Variants in ZNF385D observed in about 807,000 individuals in gnomAD.
ZNF385D encodes the protein zinc finger protein 385D.
ZNF385D carries 15 observed loss-of-function variants against 35.8 expected under a neutral mutation model. The observed-to-expected ratio is 0.42, with a 90% confidence interval of 0.28 to 0.64. The LOEUF (loss-of-function observed/expected upper bound fraction) is 0.64, where lower values mean the gene tolerates loss of function less well. ZNF385D is among the 30% of genes least tolerant of loss of function. The probability of loss-of-function intolerance (pLI) is 0.23; values close to 1 mark genes in which losing one functional copy is unlikely to be tolerated. For missense variants in ZNF385D, 474 were observed against 494.6 expected, an observed-to-expected ratio of 0.96 and a Z score of 0.39; for synonymous variants, 212 against 186.8, an observed-to-expected ratio of 1.13 and a Z score of -1.10.
chr3:22,341,672 T>A (rs771186440), intron 2 of ZNF385D, among the ~76,000 whole-genome samples: 2 of 152,070 alleles, frequency 1.3e-5, no homozygotes, highest in African/African-American at 2.4e-5. Context: ...TCAAACAGAG[T>A]TGATAGTCAT....
intron 3 of ZNF385D, among the ~76,000 whole-genome samples, chr3:21,813,391 A>G (rs995725850): frequency 4.6e-5 from 7 of 152,200 alleles, no homozygotes; most frequent in African/African-American, 1.7e-4. Flanking sequence ...GAGTGGTAAT[A>G]ACAAACTTCT....
exon 2 of ZNF385D, chr3:22,372,453 G>A: frequency 1.0e-6 from 1 of 985,906 alleles, no homozygotes; most frequent in South Asian, 4.7e-5. Context: ...AACTTACCGC[G>A]GCTGGGCTGA....
At chr3:21,575,191 TCTA>T (rs1395843276) in intron 2 of ZNF385D, among the ~76,000 whole-genome samples, 2 of 152,170 alleles carry the variant, frequency 1.3e-5, no homozygotes, top group African/African-American at 4.8e-5. Context: ...TAGCCTTTAT[TCTA>T]CTTTCTATGG....
Position 21,539,296 on chromosome 3 carries a change from T to C in ZNF385D, c.276+25278A>G, listed in dbSNP as rs2125556517. On this transcript the variant is annotated intron_variant, in intron 3 of 7. Transcript: ENST00000281523. The surrounding 1 kb of genome is among the most constrained non-coding windows in gnomAD (Gnocchi z 4.0). ...CATTTCTACATAGATCACTTTCTCA[T>C]TAATTGATGCCATTTTGCCCTGGTT... Among the ~76,000 whole-genome samples the C allele has an allele frequency of 6.6e-6, 1 of 152,244 alleles. No homozygotes were observed.
At chr3:22,175,411 G>T (rs1576447297) in intron 2 of ZNF385D, among the ~76,000 whole-genome samples, 1 of 151,820 alleles carries the variant, frequency 6.6e-6, no homozygotes, top group East Asian at 1.9e-4. Flanking sequence ...ATCATAAGTG[G>T]ATTTTAAAAG....
At chr3:21,487,295 G>GT (rs5847103) in intron 4 of ZNF385D, among the ~76,000 whole-genome samples, 74,956 of 151,380 alleles carry the variant, frequency 0.5, 18,853 homozygotes, top group East Asian at 0.63. Flanking sequence ...ATTGTAGTGG[G>GT]TTTTTTTTCT....
At chr3:21,774,635 G>A (rs1385491529) in intron 3 of ZNF385D, among the ~76,000 whole-genome samples, 3 of 151,758 alleles carry the variant, frequency 2.0e-5, no homozygotes, top group Admixed American at 6.6e-5. Context: ...CAGAGATAGA[G>A]AGAAGTGATT....
chr3:21,730,770 C>T (rs966167293), intron 1 of ZNF385D, among the ~76,000 whole-genome samples: 8 of 152,196 alleles, frequency 5.3e-5, no homozygotes, highest in Admixed American at 3.9e-4. Flanking sequence ...TTTTTCTCCC[C>T]AGAGGATTCT....
chr3:21,600,758 A>G (rs1444604591), intron 2 of ZNF385D, among the ~76,000 whole-genome samples: 1 of 152,186 alleles, frequency 6.6e-6, no homozygotes, highest in Non-Finnish European at 1.5e-5. Context: ...GTGTATTCAT[A>G]AAAATAGAAA....
chr3:22,370,618 G>A (rs1277767589), intron 2 of ZNF385D, among the ~76,000 whole-genome samples: 1 of 152,202 alleles, frequency 6.6e-6, no homozygotes, highest in Non-Finnish European at 1.5e-5. Context: ...AAGAGGTTGT[G>A]TAGGGGTTAA....
intron 2 of ZNF385D, among the ~76,000 whole-genome samples, chr3:22,260,405 T>C (rs553912362): frequency 6.6e-6 from 1 of 151,994 alleles, no homozygotes; most frequent in African/African-American, 2.4e-5. Flanking sequence ...CAAGCAGGGC[T>C]TAAAACCTAG....
intron 2 of ZNF385D, among the ~76,000 whole-genome samples, chr3:22,279,931 A>T (rs537539613): frequency 6.6e-6 from 1 of 152,024 alleles, no homozygotes; most frequent in East Asian, 1.9e-4. Context: ...TTTTCACCAC[A>T]TCCATGCCAA....
chr3:22,228,100 G>C (rs1050870568), intron 2 of ZNF385D, among the ~76,000 whole-genome samples: 1 of 152,224 alleles, frequency 6.6e-6, no homozygotes, highest in Non-Finnish European at 1.5e-5. Context: ...AGAGAGGCAA[G>C]ATGGTAAGAT....
intron 2 of ZNF385D, among the ~76,000 whole-genome samples, chr3:22,221,567 G>A (rs554400717): frequency 4.6e-5 from 7 of 152,136 alleles, no homozygotes; most frequent in South Asian, 4.1e-4. Flanking sequence ...ATTTCATTTC[G>A]CTTTATATCA....
chr3:22,333,191 C>G (rs1208540657), intron 2 of ZNF385D, among the ~76,000 whole-genome samples: 1 of 152,118 alleles, frequency 6.6e-6, no homozygotes, highest in Admixed American at 6.6e-5. Flanking sequence ...AAATCATTGA[C>G]CCTTTATAAG....
intron 1 of ZNF385D, among the ~76,000 whole-genome samples, chr3:21,730,458 A>G (rs2068945234): frequency 6.6e-6 from 1 of 152,244 alleles, no homozygotes; most frequent in Non-Finnish European, 1.5e-5. Context: ...CAACTGAAAA[A>G]AAATGGTTCA....
chr3:21,564,219 C>CTTAT (rs1559409904), intron 3 of ZNF385D, among the ~76,000 whole-genome samples: 1 of 152,120 alleles, frequency 6.6e-6, no homozygotes, highest in Non-Finnish European at 1.5e-5. Context: ...TGGTACCTAT[C>CTTAT]TTATTTCAGA....
chr3:22,176,279 A>T (rs1159552907), intron 2 of ZNF385D, among the ~76,000 whole-genome samples: 4 of 152,290 alleles, frequency 2.6e-5, no homozygotes, highest in South Asian at 4.1e-4. Context: ...AAACCAGGGG[A>T]AAGTCACAGA....
chr3:21,996,893 A>C (rs907480940), intron 3 of ZNF385D, among the ~76,000 whole-genome samples: 1 of 152,230 alleles, frequency 6.6e-6, no homozygotes, highest in African/African-American at 2.4e-5. Context: ...GTGATTAAGC[A>C]ATAACTTATT....
Sources: gnomAD v4.1 joint callset for allele counts (sites outside exome capture counted in the v4.1 genomes callset) on GRCh38, gnomAD v4.1.1 for gene constraint, Gnocchi (gnomAD v3.1) non-coding constraint, MANE v1.5 for transcripts, NCBI Gene and HGNC (gene_info 2026-07-23, HGNC 2026-07-21) for gene names.